DNAH10: variants seen among roughly 807,000 people sequenced by gnomAD.
DNAH10 encodes the protein axonemal beta dynein heavy chain 10.
A neutral mutation model predicts 506.6 loss-of-function variants in DNAH10; 348 were observed. That is an observed-to-expected ratio of 0.69 (90% CI 0.63 to 0.75). The LOEUF (loss-of-function observed/expected upper bound fraction) is 0.75. Ranked by LOEUF, DNAH10 falls within the 30% of genes least tolerant of loss-of-function variation. DNAH10 has a pLI of 0.00. For missense variants in DNAH10, 5,179 were observed against 5,787.1 expected (o/e 0.89, Z 3.41); for synonymous variants, 2,059 against 2,198.6 (o/e 0.94, Z 1.78).
Position 123,853,377 on chromosome 12 carries a change from C to G in DNAH10, c.6438+25C>G, listed in dbSNP as rs1282085968. On this transcript the variant is annotated intron_variant, in intron 36 of 78. Transcript: ENST00000673944. The surrounding 1 kb of genome is among the most constrained non-coding windows in gnomAD (Gnocchi z 4.7). ...GGTAGGGGCCACGTGCTGGAACATT[C>G]TCTGGTTTCAGCTGCTTCAGGCATT... The G allele has an allele frequency of 2.5e-6, 4 of 1,603,198 alleles. No individual in the cohort carries two copies. The highest frequency in any genetic ancestry group is 3.3e-4 in the Middle Eastern group (2 of 6,014).
At chr12:123,778,082 A>G (rs1234814919) in intron 5 of DNAH10, among the ~76,000 whole-genome samples, 2 of 152,160 alleles carry the variant, frequency 1.3e-5, no homozygotes, top group Non-Finnish European at 2.9e-5. Context: ...GGGTGTCTGT[A>G]GTCCCAGCTA....
At chr12:123,871,371 T>C (rs1428323008) in intron 44 of DNAH10, 86 bp from the exon 45 acceptor site, 1 of 1,461,786 alleles carries the variant, frequency 6.8e-7, no homozygotes, top group African/African-American at 1.4e-5. Context: ...ATGGGATTTG[T>C]GGGGTTCTAG....
At chr12:123,840,883 T>A (rs1373850116) in intron 29 of DNAH10, among the ~76,000 whole-genome samples, 1 of 152,178 alleles carries the variant, frequency 6.6e-6, no homozygotes, top group Non-Finnish European at 1.5e-5. Flanking sequence ...GTGCCATGAT[T>A]GTGTTTATTC....
At chr12:123,827,506 C>A (rs1262228527) in intron 25 of DNAH10, among the ~76,000 whole-genome samples, 1 of 152,182 alleles carries the variant, frequency 6.6e-6, no homozygotes, top group African/African-American at 2.4e-5. Flanking sequence ...GGATAGCCAG[C>A]CCTGTGGGTG....
rs1184780369 is a variant in DNAH10, at chr12:123,902,729, G to A, written c.9641-210G>A. On this transcript the variant is annotated intron_variant, in intron 56 of 78. Transcript: ENST00000673944. The surrounding 1 kb of genome is among the most constrained non-coding windows in gnomAD (Gnocchi z 4.5). ...GGTGGGCCAGTTGAGGAAGGTCAGA[G>A]TCAGGGTGGCTGCCTAGTGCTGGAG... 6.6e-6 allele frequency among the ~76,000 whole-genome samples: 1 copy of A among 152,194 alleles called. No individual in the cohort carries two copies. Among genetic ancestry groups the A allele is most frequent in the Non-Finnish European group, 1.5e-5 (1 of 68,026 alleles).
chr12:123,917,683 G>A lies in DNAH10; in HGVS notation c.11102G>A (p.Ser3701Asn), dbSNP rs1318351497. Residue 3701 changes from serine to asparagine, a missense_variant, in exon 64 of 79, where the codon AGC (serine) becomes AAC (asparagine). Physicochemically the swap from Ser to Asn is conservative, Grantham distance 46. This residue lies in a region of DNAH10 where 4,844 missense variants were observed against 5,430.5 expected (regional missense o/e 0.89). Transcript: ENST00000673944. This position sits in a 1 kb window ranked among gnomAD's most constrained non-coding sequence, Gnocchi z 5.6. The part of the protein sequence containing the change: ...EQREHLIQET[S>N]ENKNLLKDLE... Reference sequence around the variant, plus strand: ...CGGGAGCACCTCATCCAGGAGACCAGCGAGAACAAGAACCTGCTCAAGGAC... The same window carrying A: ...CGGGAGCACCTCATCCAGGAGACCAACGAGAACAAGAACCTGCTCAAGGAC... The A allele has an allele frequency of 1.3e-6, 2 of 1,553,542 alleles. No individual in the cohort carries two copies. The highest frequency in any genetic ancestry group is 2.7e-5 in the African/African-American group (2 of 73,128).
In DNAH10 at chr12:123,785,636, G is replaced by GAA. The variant is rs35755869; in HGVS notation, c.1231-93_1231-92dup. ...CCTGGGCACCAGACTTGGTCTCAAGGAAAAAAAAAAAAAAAAAAGAGTGAA... is the reference window on the plus strand; with the variant it reads ...CCTGGGCACCAGACTTGGTCTCAAGGAAAAAAAAAAAAAAAAAAAAGAGTGAA... On this transcript the variant is annotated intron_variant, in intron 8 of 78. Coordinates refer to ENST00000673944, the MANE Select transcript of DNAH10 (RefSeq NM_001372106.1). The surrounding 1 kb of genome is among the most constrained non-coding windows in gnomAD (Gnocchi z 4.1). The GAA allele has an allele frequency of 9.4e-4, 662 of 704,366 alleles. No individual in the cohort carries two copies. The highest frequency in any genetic ancestry group is 1.3e-3 in the South Asian group (29 of 22,316). 43.6% of individuals were successfully genotyped at this position (704,366 alleles called of 1,614,324 possible).
intron 26 of DNAH10, among the ~76,000 whole-genome samples, chr12:123,831,369 C>T (rs1196340848): frequency 6.6e-6 from 1 of 152,202 alleles, no homozygotes; most frequent in African/African-American, 2.4e-5. Context: ...CATATCCCTA[C>T]ACATATATGT....
Position 123,909,148 on chromosome 12 carries a change from C to A in DNAH10, c.9816-113C>A. On this transcript the variant is annotated intron_variant, in intron 57 of 78. Transcript: ENST00000673944. The surrounding 1 kb of genome is among the most constrained non-coding windows in gnomAD (Gnocchi z 5.4). ...CCTGGCTTCTTTCGTTTGCTTGCAG[C>A]AGTAGCTCCAGGGACTGTCTTTTGG... 1 of 1,374,340 alleles carries A rather than the reference C, an allele frequency of 7.3e-7. No individual in the cohort carries two copies. The highest frequency in any genetic ancestry group is 1.0e-6 in the Non-Finnish European group (1 of 1,004,560). 85.1% of individuals were successfully genotyped at this position (1,374,340 alleles called of 1,614,324 possible). A position where few individuals can be genotyped will look rare whatever the true frequency, so the allele number is the denominator to read the frequency against.
intron 43 of DNAH10, among the ~76,000 whole-genome samples, chr12:123,869,948 G>A (rs1414379597): frequency 6.6e-6 from 1 of 152,154 alleles, no homozygotes; most frequent in Admixed American, 6.5e-5. Context: ...AGCACTTATG[G>A]CTCCACACTG....
chr12:123,833,983 T>G (rs1960855983), intron 27 of DNAH10, among the ~76,000 whole-genome samples: 1 of 152,152 alleles, frequency 6.6e-6, no homozygotes, highest in South Asian at 2.1e-4. Flanking sequence ...TTTTGTGCAG[T>G]TGCCTTTTTT....
At position 123,864,708 on chromosome 12, in the gene DNAH10, C is replaced by T; in HGVS notation, c.7022C>T (p.Ala2341Val). The T allele has an allele frequency of 6.2e-7, 1 of 1,613,912 alleles. No individual in the cohort carries two copies. The highest frequency in any genetic ancestry group is 8.5e-7 in the Non-Finnish European group (1 of 1,179,830). Residue 2341 changes from alanine (A) to valine (V), a missense_variant, in exon 40 of 79, where the codon GCA (alanine) becomes GTA (valine). By Grantham distance (64) the Ala-to-Val change is moderately conservative. Coordinates refer to ENST00000673944, the MANE Select transcript of DNAH10 (RefSeq NM_001372106.1). ...AACGGGGAACGCATCCGGCTCCAAGCACACTGTGCCCTGCTCTTTGAGGCA... is the reference window on the plus strand; with the variant it reads ...AACGGGGAACGCATCCGGCTCCAAGTACACTGTGCCCTGCTCTTTGAGGCA... ...LANGERIRLQ[A>V]HCALLFEVGD...
chr12:123,851,634 A>C (rs1275523754), intron 35 of DNAH10, among the ~76,000 whole-genome samples: 1 of 152,152 alleles, frequency 6.6e-6, no homozygotes, highest in Admixed American at 6.5e-5. Flanking sequence ...AGTGCCATTA[A>C]CTCAGGTGTA....
At chr12:123,805,703 G>A (rs1040438601) in intron 18 of DNAH10, among the ~76,000 whole-genome samples, 3 of 151,830 alleles carry the variant, frequency 2.0e-5, no homozygotes, top group Non-Finnish European at 4.4e-5. Flanking sequence ...TCTTCCTTAT[G>A]AAGGGGAACT....
intron 5 of DNAH10, among the ~76,000 whole-genome samples, chr12:123,775,961 T>A (rs1288271543): frequency 6.6e-6 from 1 of 152,108 alleles, no homozygotes; most frequent in Non-Finnish European, 1.5e-5. Context: ...TCCTTCTTCA[T>A]ATGACGGCAG....
At chr12:123,871,067 T>A (rs1286206394) in intron 44 of DNAH10, among the ~76,000 whole-genome samples, 1 of 152,200 alleles carries the variant, frequency 6.6e-6, no homozygotes, top group Non-Finnish European at 1.5e-5. Context: ...GGTTGAAACC[T>A]GCCAGTGCAA....
At position 123,787,638 on chromosome 12, in the gene DNAH10, T is replaced by A. The variant is rs1052745122; in HGVS notation, c.1422-166T>A. ...AGCTTGGGACTCCCGCCCTTGCACA[T>A]GGGACAGGGCAGCCGCTTGCCCGCT... On this transcript the variant is annotated intron_variant, in intron 9 of 78. Coordinates refer to ENST00000673944, the MANE Select transcript of DNAH10 (RefSeq NM_001372106.1). The surrounding 1 kb of genome is among the most constrained non-coding windows in gnomAD (Gnocchi z 4.6). Among the ~76,000 whole-genome samples the A allele has an allele frequency of 2.0e-5, 3 of 152,202 alleles. No homozygotes were observed. Among genetic ancestry groups the A allele is most frequent in the Non-Finnish European group, 4.4e-5 (3 of 68,032 alleles).
At position 123,826,853 on chromosome 12, in the gene DNAH10, C is replaced by T. The variant is rs201124533; in HGVS notation, c.4346C>T (p.Ser1449Leu). 193 of 1,613,930 alleles carry T rather than the reference C, an allele frequency of 1.2e-4. No homozygotes were observed. The highest frequency in any genetic ancestry group is 7.3e-4 in the Admixed American group (44 of 60,016). The part of the protein sequence containing the change: ...LEAKMKAFKD[S>L]IPLLLDLKNE... ...GCAAAAATGAAGGCATTCAAAGACTCGATTCCTTTACTTCTTGACTTGAAA... is the reference window on the plus strand; with the variant it reads ...GCAAAAATGAAGGCATTCAAAGACTTGATTCCTTTACTTCTTGACTTGAAA... Residue 1449 changes from serine to leucine, a missense_variant, in exon 25 of 79, where the codon TCG (serine) becomes TTG (leucine). Transcript: ENST00000673944.
intron 76 of DNAH10, among the ~76,000 whole-genome samples, chr12:123,933,078 T>C (rs1955294711): frequency 6.6e-6 from 1 of 152,244 alleles, no homozygotes; most frequent in Non-Finnish European, 1.5e-5. Context: ...TACTCCACGA[T>C]ATGAAAGCAT....
Sources: gnomAD v4.1 joint callset for allele counts (sites outside exome capture counted in the v4.1 genomes callset) on GRCh38, gnomAD v4.1.1 for gene constraint, gnomAD v4.1.1 regional missense constraint, Gnocchi (gnomAD v3.1) non-coding constraint, MANE v1.5 for transcripts, NCBI Gene and HGNC (gene_info 2026-07-23, HGNC 2026-07-21) for gene names.